The following SGPP2 variants were observed in gnomAD, a reference collection of about 807,000 sequenced individuals.
The protein encoded by SGPP2 is sphingosine 1-phosphate phosphohydrolase 2.
In SGPP2, 30 loss-of-function variants were observed where a neutral mutation model predicts 33.9. The ratio of observed to expected loss-of-function variants is 0.89; its 90% CI spans 0.66 to 1.20. The LOEUF (loss-of-function observed/expected upper bound fraction) is 1.20. SGPP2 is among the 50% of genes most tolerant of loss of function. The pLI is 0.00. For synonymous variants in SGPP2, 233 were observed against 225.0 expected (o/e 1.04, Z -0.32); for missense variants, 458 against 532.1 (o/e 0.86, Z 1.37).
chr2:222,474,791 A>G (rs1296063348), intron 2 of SGPP2, 65 bp downstream of exon 2: 5 of 1,334,138 alleles, frequency 3.7e-6, no homozygotes, highest in Non-Finnish European at 5.1e-6. Flanking sequence ...TTGATACTCA[A>G]GTACTTTGCA....
At chr2:222,463,457 A>T (rs1401615579) in intron 1 of SGPP2, among the ~76,000 whole-genome samples, 1 of 152,210 alleles carries the variant, frequency 6.6e-6, no homozygotes, top group Admixed American at 6.5e-5. Flanking sequence ...ATATAAAAAA[A>T]ATAGTTGATC....
rs372303473 is a variant in SGPP2, at chr2:222,439,994, A to G, written c.219+15173A>G. Among the ~76,000 whole-genome samples the G allele has an allele frequency of 1.7e-3, 256 of 152,314 alleles. 2 individuals are homozygous for G. The Middle Eastern group carries it at 0.017, about 10-fold the overall frequency. The stretch of plus-strand genomic sequence containing the variant: ...AGGGTATATGGGACAACTCTCTACT[A>G]CCTTTGCAACTGCCTGTGAATCTAT... On this transcript the variant is annotated intron_variant, in intron 1 of 4. Transcript: ENST00000321276.
chr2:222,427,898 G>C (rs1226834152), intron 1 of SGPP2, among the ~76,000 whole-genome samples: 1 of 152,192 alleles, frequency 6.6e-6, no homozygotes, highest in Non-Finnish European at 1.5e-5. Flanking sequence ...CCAGGAGTGG[G>C]CTTGGCTTGT....
chr2:222,555,456 T>G (rs1689376739), intron 4 of SGPP2, among the ~76,000 whole-genome samples: 2 of 151,456 alleles, frequency 1.3e-5, no homozygotes, highest in South Asian at 4.2e-4. Flanking sequence ...TTTTTTTTTT[T>G]TTTTTTTTTT....
intron 1 of SGPP2, among the ~76,000 whole-genome samples, chr2:222,470,076 G>T (rs1697815238): frequency 6.6e-6 from 1 of 152,114 alleles, no homozygotes; most frequent in Admixed American, 6.5e-5. Flanking sequence ...AGAACACATG[G>T]ACACAGGGAG....
intron 2 of SGPP2, among the ~76,000 whole-genome samples, chr2:222,488,103 G>T (rs974714435): frequency 7.2e-5 from 11 of 152,182 alleles, no homozygotes; most frequent in Admixed American, 3.9e-4. Context: ...CGTTTACCTT[G>T]CACCCTGTAA....
At chr2:222,521,639 A>C (rs893149266) in intron 2 of SGPP2, 128 bp from the exon 3 acceptor site, 39 of 955,152 alleles carry the variant, frequency 4.1e-5, no homozygotes, top group Non-Finnish European at 6.0e-5. Flanking sequence ...TTTGCCAACA[A>C]GTAGCTGGTC....
intron 1 of SGPP2, among the ~76,000 whole-genome samples, chr2:222,472,035 A>G (rs905849014): frequency 6.6e-6 from 1 of 152,174 alleles, no homozygotes; most frequent in African/African-American, 2.4e-5. Context: ...ATGATAAAAA[A>G]TGAGAATGCA....
chr2:222,471,871 A>C (rs763576828), intron 1 of SGPP2, among the ~76,000 whole-genome samples: 4 of 152,150 alleles, frequency 2.6e-5, no homozygotes, highest in African/African-American at 9.7e-5. Context: ...TTTTAGTTTC[A>C]TGTAACAGGG....
intron 2 of SGPP2, among the ~76,000 whole-genome samples, chr2:222,512,107 C>T (rs778534460): frequency 1.2e-4 from 19 of 152,032 alleles, no homozygotes; most frequent in East Asian, 1.9e-4. Context: ...CTCCTCCTCC[C>T]GGGTTCACGC....
At chr2:222,447,117 C>A (rs1346566330) in intron 1 of SGPP2, among the ~76,000 whole-genome samples, 12 of 152,186 alleles carry the variant, frequency 7.9e-5, no homozygotes, top group Non-Finnish European at 1.5e-4. Flanking sequence ...GGCTTGTTGC[C>A]TCATATGCTA....
intron 2 of SGPP2, among the ~76,000 whole-genome samples, chr2:222,510,477 C>A (rs921329537): frequency 1.3e-5 from 2 of 152,174 alleles, no homozygotes; most frequent in East Asian, 3.9e-4. Context: ...TAAATCCCAG[C>A]AGTTTGCAGT....
chr2:222,464,517 C>T (rs755962186), intron 1 of SGPP2, among the ~76,000 whole-genome samples: 9 of 152,326 alleles, frequency 5.9e-5, no homozygotes, highest in South Asian at 4.1e-4. Flanking sequence ...GGGTCTCACT[C>T]TATTGCCCAT....
intron 2 of SGPP2, among the ~76,000 whole-genome samples, chr2:222,495,242 T>C (rs146738922): frequency 1.5e-4 from 23 of 151,774 alleles, no homozygotes; most frequent in African/African-American, 4.6e-4. Flanking sequence ...AGTGAGTCCA[T>C]ATCTCAACAA....
intron 1 of SGPP2, among the ~76,000 whole-genome samples, chr2:222,459,732 C>T (rs1697631084): frequency 6.6e-6 from 1 of 152,086 alleles, no homozygotes; most frequent in South Asian, 2.1e-4. Flanking sequence ...GAAATGAGGG[C>T]TGTGAGGACT....
intron 1 of SGPP2, among the ~76,000 whole-genome samples, chr2:222,471,674 G>A (rs550224225): frequency 4.6e-5 from 7 of 152,158 alleles, no homozygotes; most frequent in East Asian, 3.9e-4. Context: ...GAAATCCCCC[G>A]GGATTCCAGA....
intron 4 of SGPP2, among the ~76,000 whole-genome samples, chr2:222,551,235 TAC>T (rs1429170154): frequency 6.6e-6 from 1 of 152,196 alleles, no homozygotes; most frequent in Non-Finnish European, 1.5e-5. Context: ...TCCCCTCTGT[TAC>T]ACAGTCATCT....
At position 222,525,651 on chromosome 2, in the gene SGPP2, C is replaced by T. The variant is rs906155937; in HGVS notation, c.648+618C>T. On this transcript the variant is annotated intron_variant, in intron 4 of 4. Coordinates refer to ENST00000321276, the MANE Select transcript of SGPP2 (RefSeq NM_152386.4). ...AGAATTCAGTTTCCCAATGTGTCCA[C>T]GGCTGCCTTGAAGTTCCAGAGCATA... Among the ~76,000 whole-genome samples, 3 of 152,214 alleles carry T rather than the reference C, an allele frequency of 2.0e-5. No individual in the cohort carries two copies. The East Asian group carries it at 5.8e-4, about 29-fold the overall frequency.
chr2:222,546,490 C>CA (rs1435083314), intron 4 of SGPP2, among the ~76,000 whole-genome samples: 1 of 152,226 alleles, frequency 6.6e-6, no homozygotes, highest in East Asian at 1.9e-4. Flanking sequence ...GAACAATCTG[C>CA]AAAAAACTAA....
Sources: gnomAD v4.1 joint callset for allele counts (sites outside exome capture counted in the v4.1 genomes callset) on GRCh38, gnomAD v4.1.1 for gene constraint, MANE v1.5 for transcripts, NCBI Gene and HGNC (gene_info 2026-07-23, HGNC 2026-07-21) for gene names.